The following TRIT1 variants were observed in gnomAD, a reference collection of about 807,000 sequenced individuals.
TRIT1 encodes the protein tRNA dimethylallyltransferase.
In TRIT1, 43 loss-of-function variants were observed where a neutral mutation model predicts 51.2. The observed-to-expected ratio is 0.84, with a 90% confidence interval of 0.66 to 1.08. The LOEUF is 1.08. TRIT1 is among the 50% of genes least tolerant of loss of function. The pLI, the probability that TRIT1 is intolerant of heterozygous loss-of-function variation, is 0.00. For synonymous variants in TRIT1, 184 were observed against 203.9 expected (o/e 0.90, Z 0.83); for missense variants, 528 against 578.4 (o/e 0.91, Z 0.89).
intron 1 of TRIT1, among the ~76,000 whole-genome samples, chr1:39,870,074 G>T (rs1282041241): frequency 2.0e-5 from 3 of 152,254 alleles, no homozygotes; most frequent in Non-Finnish European, 4.4e-5. Flanking sequence ...TGGAAGGGGG[G>T]AAAGTGTGGG....
intron 1 of TRIT1, among the ~76,000 whole-genome samples, chr1:39,876,993 C>T (rs141492872): frequency 6.5e-4 from 94 of 144,214 alleles, no homozygotes; most frequent in African/African-American, 2.3e-3. Flanking sequence ...CCAGATAGAC[C>T]CCTTTTCTCC....
chr1:39,877,018 T>TAAA (rs1644086120), intron 1 of TRIT1, among the ~76,000 whole-genome samples: 1 of 55,166 alleles, frequency 1.8e-5, no homozygotes, highest in East Asian at 6.9e-4. Flanking sequence ...TAATGGGTCT[T>TAAA]CAAAAAAAAA....
chr1:39,881,632 T>C (rs1644269558), intron 1 of TRIT1: 1 of 152,190 alleles, frequency 6.6e-6, no homozygotes, highest in African/African-American at 2.4e-5. Context: ...CATCTGTAAC[T>C]GACTGTGAAC....
intron 8 of TRIT1, 25 bp from the exon 9 acceptor site, chr1:39,844,665 G>A: frequency 6.4e-7 from 1 of 1,560,042 alleles, no homozygotes; most frequent in Non-Finnish European, 8.8e-7. Context: ...GAAAGGTTGT[G>A]AGAGGTCAGC....
At chr1:39,872,823 G>A (rs1299870768) in intron 1 of TRIT1, among the ~76,000 whole-genome samples, 1 of 143,556 alleles carries the variant, frequency 7.0e-6, no homozygotes, top group Non-Finnish European at 1.5e-5. Context: ...AGGGAGGGAG[G>A]GAGGGAGGGA....
At chr1:39,875,196 A>G (rs1420750906) in intron 1 of TRIT1, among the ~76,000 whole-genome samples, 1 of 152,064 alleles carries the variant, frequency 6.6e-6, no homozygotes, top group African/African-American at 2.4e-5. Flanking sequence ...TACTTCATAA[A>G]ATAGATTTAC....
chr1:39,875,221 G>A (rs1315087096), intron 1 of TRIT1, among the ~76,000 whole-genome samples: 1 of 152,102 alleles, frequency 6.6e-6, no homozygotes, highest in Non-Finnish European at 1.5e-5. Context: ...CAGGTGCAGT[G>A]GCTCACGCCT....
At chr1:39,846,622 T>C (rs1457722521) in intron 8 of TRIT1, among the ~76,000 whole-genome samples, 2 of 152,184 alleles carry the variant, frequency 1.3e-5, no homozygotes, top group African/African-American at 2.4e-5. Flanking sequence ...CATTTTCTTA[T>C]CTGTAAAAAT....
chr1:39,879,848 G>A (rs1644192031), intron 1 of TRIT1, among the ~76,000 whole-genome samples: 1 of 139,616 alleles, frequency 7.2e-6, no homozygotes, highest in Admixed American at 7.6e-5. Flanking sequence ...CTCCAGCCTG[G>A]GCCACAATAG....
intron 1 of TRIT1, chr1:39,876,151 C>T (rs1644046685): frequency 6.6e-6 from 1 of 152,154 alleles, no homozygotes; most frequent in African/African-American, 2.4e-5. Context: ...AAAAACAAAA[C>T]CAATTCCATT....
intron 4 of TRIT1, 155 bp downstream of exon 4, chr1:39,852,576 A>T: frequency 1.2e-6 from 1 of 827,072 alleles, no homozygotes; most frequent in Non-Finnish European, 1.9e-6. Flanking sequence ...GAACTGAAGC[A>T]ATAACTCAGG....
chr1:39,881,082 G>T (rs1232295568), intron 1 of TRIT1, among the ~76,000 whole-genome samples: 2 of 151,402 alleles, frequency 1.3e-5, no homozygotes, highest in East Asian at 3.9e-4. Context: ...GCTGGGTGTG[G>T]GACAGGTGCC....
chr1:39,882,193 T>C lies in TRIT1; in HGVS notation c.174+1125A>G, dbSNP rs529993016. Among the ~76,000 whole-genome samples, 338 of 152,366 alleles carry C rather than the reference T, an allele frequency of 2.2e-3. 5 individuals are homozygous for C. The highest frequency in any genetic ancestry group is 7.3e-3 in the African/African-American group (302 of 41,588). On this transcript the variant is annotated intron_variant, in intron 1 of 10. Transcript: ENST00000316891. ...CTGGGATTTGAGGTAAATTGTCTTC[T>C]GAAGCTGGCACAAAGTAGACTGCAA... is the stretch of plus-strand genomic sequence containing the variant.
At chr1:39,875,333 C>G (rs1234904463) in intron 1 of TRIT1, among the ~76,000 whole-genome samples, 1 of 151,934 alleles carries the variant, frequency 6.6e-6, no homozygotes, top group South Asian at 2.1e-4. Flanking sequence ...ACCAAAAATA[C>G]AAAAATTAGC....
At chr1:39,856,034 T>C (rs1487865627) in intron 2 of TRIT1, among the ~76,000 whole-genome samples, 3 of 151,924 alleles carry the variant, frequency 2.0e-5, no homozygotes, top group Admixed American at 6.5e-5. Flanking sequence ...TAGCCGGGCA[T>C]GGTGGCTCAT....
intron 2 of TRIT1, among the ~76,000 whole-genome samples, chr1:39,854,775 T>A (rs1043695397): frequency 1.2e-4 from 19 of 152,344 alleles, no homozygotes; most frequent in African/African-American, 4.3e-4. Flanking sequence ...TCTGCTACTT[T>A]AAATTTTTCT....
intron 4 of TRIT1, among the ~76,000 whole-genome samples, chr1:39,852,094 T>A (rs1036039993): frequency 2.0e-5 from 3 of 152,222 alleles, no homozygotes; most frequent in African/African-American, 7.2e-5. Context: ...GAATATGAGA[T>A]GTTACTTTAA....
intron 1 of TRIT1, among the ~76,000 whole-genome samples, chr1:39,864,509 T>G (rs555494544): frequency 7.1e-4 from 104 of 147,476 alleles, no homozygotes; most frequent in African/African-American, 2.5e-3. Context: ...CTCGGGAGGC[T>G]GAGGCAGGAG....
intron 1 of TRIT1, among the ~76,000 whole-genome samples, chr1:39,869,830 C>T (rs1643783017): frequency 6.6e-6 from 1 of 151,756 alleles, no homozygotes; most frequent in South Asian, 2.1e-4. Context: ...CTCCGCCCGG[C>T]AGCCGCCCCG....
Sources: allele counts gnomAD v4.1 joint callset (sites outside exome capture counted in the v4.1 genomes callset), GRCh38; gene constraint gnomAD v4.1.1; transcripts MANE v1.5; gene names NCBI Gene and HGNC (gene_info 2026-07-23, HGNC 2026-07-21).